The following DNAJC18 variants were observed in gnomAD, a reference collection of about 807,000 sequenced individuals.
DNAJC18 encodes the protein DnaJ heat shock protein family (Hsp40) member C18.
In DNAJC18, 40 loss-of-function variants were observed where a neutral mutation model predicts 48.6. The ratio of observed to expected loss-of-function variants is 0.82; its 90% CI spans 0.64 to 1.07. DNAJC18 has a LOEUF of 1.07. DNAJC18 is among the 50% of genes least tolerant of loss of function. The pLI is 0.00. For synonymous variants in DNAJC18, 135 were observed against 152.2 expected (o/e 0.89, Z 0.83); for missense variants, 340 against 427.7 (o/e 0.79, Z 1.81).
At chr5:139,417,637 G>A (rs901309791) in intron 7 of DNAJC18, among the ~76,000 whole-genome samples, 2 of 146,724 alleles carry the variant, frequency 1.4e-5, no homozygotes, top group Non-Finnish European at 3.0e-5. Context: ...GCAGTGGCAC[G>A]ATCTCAGCAG....
chr5:139,419,877 C>A (rs577746672), intron 7 of DNAJC18, among the ~76,000 whole-genome samples, 176 bp downstream of exon 7: 5 of 152,268 alleles, frequency 3.3e-5, no homozygotes, highest in Admixed American at 3.3e-4. Flanking sequence ...CCACATGTAT[C>A]CTGTCAATAA....
intron 7 of DNAJC18, among the ~76,000 whole-genome samples, chr5:139,418,189 G>A (rs1295260315): frequency 6.6e-6 from 1 of 151,974 alleles, no homozygotes; most frequent in Non-Finnish European, 1.5e-5. Flanking sequence ...CCTTTTTATT[G>A]AGACAGGATC....
At chr5:139,423,677 A>AT (rs1759187911) in intron 5 of DNAJC18, among the ~76,000 whole-genome samples, 1 of 152,002 alleles carries the variant, frequency 6.6e-6, no homozygotes, top group African/African-American at 2.4e-5. Flanking sequence ...GGTGTGAGCC[A>AT]TAGCACCCAG....
intron 2 of DNAJC18, among the ~76,000 whole-genome samples, chr5:139,434,250 C>T (rs1335576642): frequency 3.3e-5 from 5 of 152,124 alleles, no homozygotes; most frequent in African/African-American, 4.8e-5. Flanking sequence ...ATATAAAAAT[C>T]CATGGTTCAA....
At chr5:139,417,104 C>T (rs1417463201) in intron 7 of DNAJC18, among the ~76,000 whole-genome samples, 1 of 151,134 alleles carries the variant, frequency 6.6e-6, no homozygotes, top group Non-Finnish European at 1.5e-5. Flanking sequence ...GCAGGAGAAT[C>T]GCTTGAACCT....
At chr5:139,426,489 T>G (rs1759245856) in intron 3 of DNAJC18, 132 bp from the exon 4 acceptor site, 1 of 1,099,570 alleles carries the variant, frequency 9.1e-7, no homozygotes, top group African/African-American at 1.6e-5. Flanking sequence ...AAGAGATGCT[T>G]GGGCCTAGAA....
At chr5:139,422,183 A>G (rs1034812149) in intron 6 of DNAJC18, among the ~76,000 whole-genome samples, 15 of 152,268 alleles carry the variant, frequency 9.9e-5, no homozygotes, top group African/African-American at 3.6e-4. Context: ...AAACTTTGGG[A>G]ACTGAATCAA....
chr5:139,427,526 A>G (rs1277395317), intron 3 of DNAJC18, among the ~76,000 whole-genome samples: 1 of 152,190 alleles, frequency 6.6e-6, no homozygotes, highest in Non-Finnish European at 1.5e-5. Flanking sequence ...AACTCTATAT[A>G]TACATATGTA....
In DNAJC18 at chr5:139,433,967, C is replaced by T. The variant is rs191204732; in HGVS notation, c.227+3405G>A. ...AGTGCAATGGCACAATCACAGCTCA[C>T]TGCAACCTCTGCCTTCTGGGTTCAA... On this transcript the variant is annotated intron_variant, in intron 2 of 7. Transcript: ENST00000302060. 2.3e-3 allele frequency among the ~76,000 whole-genome samples: 353 copies of T among 152,322 alleles called. 2 individuals are homozygous for T. The highest frequency in any genetic ancestry group is 8.2e-3 in the African/African-American group (342 of 41,568).
chr5:139,435,385 C>T (rs1750621008), intron 2 of DNAJC18, among the ~76,000 whole-genome samples: 2 of 151,988 alleles, frequency 1.3e-5, no homozygotes, highest in Non-Finnish European at 2.9e-5. Flanking sequence ...TTGTTAAATG[C>T]TTTTTCTGTA....
At chr5:139,424,869 T>C (rs1047544302) in intron 5 of DNAJC18, 136 bp downstream of exon 5, 1 of 735,828 alleles carries the variant, frequency 1.4e-6, no homozygotes, top group Admixed American at 2.4e-5. Flanking sequence ...TTCTAACCAT[T>C]GCTTTTGCTT....
rs753044180 is a variant in DNAJC18 at position 139,422,700 on chromosome 5, A to G, written c.779+8T>C. ...TTACTGAGAAAGATTTAGAAATACC[A>G]GACTTACGATTTATAGAACAGACTA... On this transcript the variant is annotated splice_region_variant and intron_variant, in intron 6 of 7. Transcript: ENST00000302060. The G allele has an allele frequency of 3.2e-6, 5 of 1,580,326 alleles. No individual in the cohort carries two copies. The highest frequency in any genetic ancestry group is 4.3e-6 in the Non-Finnish European group (5 of 1,158,004).
intron 4 of DNAJC18, 141 bp downstream of exon 4, chr5:139,426,031 C>T (rs975228916): frequency 2.1e-6 from 2 of 957,684 alleles, no homozygotes; most frequent in African/African-American, 1.7e-5. Flanking sequence ...GGAGACTTGC[C>T]TCAAACTCCT....
At chr5:139,426,440 A>G (rs1175209561) in intron 3 of DNAJC18, 83 bp from the exon 4 acceptor site, 42 of 1,514,212 alleles carry the variant, frequency 2.8e-5, no homozygotes, top group Admixed American at 8.0e-5. Flanking sequence ...CAAAGAGCCT[A>G]GAGGTGACTC....
Position 139,421,196 on chromosome 5 carries a change from C to T in DNAJC18, c.780-971G>A, listed in dbSNP as rs373214803. The stretch of plus-strand genomic sequence containing the variant: ...GAAGGCTAGGTGCAGTGGCTCATGA[C>T]GGTAATCCCAGCACTTTGGGAGGCC... On this transcript the variant is annotated intron_variant, in intron 6 of 7. Coordinates refer to ENST00000302060, the MANE Select transcript of DNAJC18 (RefSeq NM_152686.4). Among the ~76,000 whole-genome samples, 44 of 152,324 alleles carry T rather than the reference C, an allele frequency of 2.9e-4. 2 individuals are homozygous for T. In the East Asian group the frequency reaches 6.0e-3, roughly 21 times the overall value.
At chr5:139,435,705 G>GTTTTTTTTTT (rs377125785) in intron 2 of DNAJC18, among the ~76,000 whole-genome samples, 1,562 of 41,184 alleles carry the variant, frequency 0.038, 591 homozygotes, top group Non-Finnish European at 0.045. Flanking sequence ...TTCATTGGAA[G>GTTTTTTTTTT]TTTTTTTTTT....
chr5:139,420,207 A>C lies in DNAJC18; in HGVS notation c.798T>G (p.Ile266Met). ...CCTGCAGGTTCTGAGTTTCTCTAGA[A>C]ATGGTGTAGCCCAAGGTCCTGAAAC... Reference protein sequence around the residue: ...LFYKSTLGYTISRETQNLQVP... With the variant: ...LFYKSTLGYTMSRETQNLQVP... The change falls in exon 7 of 8, where the codon ATT becomes ATG. Residue 266 changes from isoleucine to methionine, a missense_variant. By Grantham distance (10) the Ile-to-Met change is conservative (BLOSUM62 1). Transcript: ENST00000302060. 6.2e-7 allele frequency: 1 copy of C among 1,610,708 alleles called. No homozygotes were observed. The highest frequency in any genetic ancestry group is 1.1e-5 in the South Asian group (1 of 90,148).
chr5:139,433,710 C>T (rs989283164), intron 2 of DNAJC18, among the ~76,000 whole-genome samples: 3 of 152,080 alleles, frequency 2.0e-5, no homozygotes, highest in African/African-American at 7.2e-5. Context: ...CAAATGGTAC[C>T]ATGTAGTCTC....
intron 2 of DNAJC18, among the ~76,000 whole-genome samples, chr5:139,435,705 G>GTTTTTTTGTTTTTTTTTTTTT (rs1750628358): frequency 2.4e-5 from 1 of 41,194 alleles, no homozygotes; most frequent in Non-Finnish European, 3.8e-5. Flanking sequence ...TTCATTGGAA[G>GTTTTTTTGTTTTTTTTTTTTT]TTTTTTTTTT....
Sources: gnomAD v4.1 joint callset for allele counts (sites outside exome capture counted in the v4.1 genomes callset) on GRCh38, gnomAD v4.1.1 for gene constraint, MANE v1.5 for transcripts, NCBI Gene and HGNC (gene_info 2026-07-23, HGNC 2026-07-21) for gene names.